Variants in DPEP1 observed in about 807,000 individuals in gnomAD.
DPEP1 encodes dipeptidase 1, also known as beta-lactamase.
Under a neutral mutation model 42.3 loss-of-function variants are expected in DPEP1, and 50 were observed. That is an observed-to-expected ratio of 1.18 (90% CI 0.94 to 1.50). The LOEUF is 1.50. Ranked by LOEUF, DPEP1 falls within the 40% of genes most tolerant of loss-of-function variation. The pLI is 0.00. For missense variants in DPEP1, 663 were observed against 553.0 expected (o/e 1.20, Z -1.99); for synonymous variants, 297 against 234.0 (o/e 1.27, Z -2.46).
rs1242988286 is a variant in DPEP1, at chr16:89,637,393, G to A, written c.768+13G>A. 6.2e-7 allele frequency: 1 copy of A among 1,612,294 alleles called. No homozygotes were observed. Among genetic ancestry groups the A allele is most frequent in the South Asian group, 1.1e-5 (1 of 91,074 alleles). On this transcript the variant is annotated intron_variant, in intron 7 of 10. Transcript: ENST00000690203. ...CCTGAGGCTGGTGGTGAGGGCCGAG[G>A]GGGCGACCTCCACCCCGCCTCCCTG...
chr16:89,638,209 T>A lies in DPEP1; in HGVS notation c.1223T>A (p.Leu408Gln), dbSNP rs1173024345. ...LASLAPLVLC[L>Q]SLL ...TCCCTCGCTCCCCTGGTCCTCTGTCTGTCTCTCCTGTGAAACCTGGGAGAC... is the reference window on the plus strand; with the variant it reads ...TCCCTCGCTCCCCTGGTCCTCTGTCAGTCTCTCCTGTGAAACCTGGGAGAC... Residue 408 changes from leucine to glutamine, a missense_variant, in exon 11 of 11, where the codon CTG becomes CAG. Physicochemically the swap from Leu to Gln is moderately radical, Grantham distance 113. Transcript: ENST00000690203. 1.3e-6 allele frequency: 2 copies of A among 1,565,898 alleles called. No homozygotes were observed. The highest frequency in any genetic ancestry group is 1.7e-6 in the Non-Finnish European group (2 of 1,155,206).
At chr16:89,621,708 AC>A (rs1354560801) in intron 1 of DPEP1, among the ~76,000 whole-genome samples, 1 of 152,078 alleles carries the variant, frequency 6.6e-6, no homozygotes, top group African/African-American at 2.4e-5. Context: ...TGTGCGGCTC[AC>A]CTGTGCATGC....
rs60712648 is a variant in DPEP1 at position 89,628,281 on chromosome 16, G to A, written c.-106-2024G>A. Reference sequence around the variant, plus strand: ...CTTTTTTTTTTTTTTTTGTGAGATAGAGATTTACTCTTGTCGCCCAGGCTG... The same window carrying A: ...CTTTTTTTTTTTTTTTTGTGAGATAAAGATTTACTCTTGTCGCCCAGGCTG... On this transcript the variant is annotated intron_variant, in intron 1 of 10. Coordinates refer to ENST00000690203, the MANE Select transcript of DPEP1 (RefSeq NM_001389466.1). Among the ~76,000 whole-genome samples the A allele has an allele frequency of 4.4e-3, 574 of 130,080 alleles. 4 individuals are homozygous for A. The highest frequency in any genetic ancestry group is 0.016 in the African/African-American group (561 of 35,300). The allele number at this position is 130,080 out of a possible 152,430, so 85.3% of individuals were successfully genotyped here. A position where few individuals can be genotyped will look rare whatever the true frequency, so the allele number is the denominator to read the frequency against.
At chr16:89,623,648 G>C (rs576662090) in intron 1 of DPEP1, among the ~76,000 whole-genome samples, 13 of 152,230 alleles carry the variant, frequency 8.5e-5, no homozygotes, top group African/African-American at 2.9e-4. Flanking sequence ...CCGGAGACCA[G>C]ACGCACAACC....
chr16:89,614,428 C>T (rs1046699231), intron 1 of DPEP1, among the ~76,000 whole-genome samples: 3 of 152,208 alleles, frequency 2.0e-5, no homozygotes, highest in Non-Finnish European at 2.9e-5. Flanking sequence ...TCTGCCTTCC[C>T]GCCCAGCTAA....
intron 9 of DPEP1, 29 bp downstream of exon 9, chr16:89,637,736 A>C: frequency 6.2e-7 from 1 of 1,612,860 alleles, no homozygotes; most frequent in Non-Finnish European, 8.5e-7. Context: ...TGTCCTGTGG[A>C]TGAGCCGGGA....
rs141290392 is a variant in DPEP1 at position 89,637,338 on chromosome 16, C to G, written c.726C>G (p.Cys242Trp). The G allele has an allele frequency of 6.2e-7, 1 of 1,612,268 alleles. No homozygotes were observed. The highest frequency in any genetic ancestry group is 1.7e-5 in the Admixed American group (1 of 60,008). The change falls in exon 7 of 11, where the codon TGC becomes TGG. Residue 242 changes from cysteine (C) to tryptophan (W), a missense_variant. Cys to Trp is a radical substitution (Grantham distance 215). Coordinates refer to ENST00000690203, the MANE Select transcript of DPEP1 (RefSeq NM_001389466.1). ...IFSHSSAYSV[C>W]ASRRNVPDDV... is the part of the protein sequence containing the mutation. ...GCCACTCCTCGGCCTACAGCGTGTGCGCAAGCCGGCGCAACGTGCCTGACG... is the reference window on the plus strand; with the variant it reads ...GCCACTCCTCGGCCTACAGCGTGTGGGCAAGCCGGCGCAACGTGCCTGACG...
At chr16:89,631,673 TGGC>T (rs2059590828) in intron 2 of DPEP1, among the ~76,000 whole-genome samples, 2 of 152,274 alleles carry the variant, frequency 1.3e-5, no homozygotes, top group African/African-American at 4.8e-5. Context: ...CTGGCCAACA[TGGC>T]GAAACCCTGT....
intron 1 of DPEP1, among the ~76,000 whole-genome samples, chr16:89,618,107 C>T (rs896550161): frequency 1.9e-4 from 29 of 151,982 alleles, no homozygotes; most frequent in Non-Finnish European, 1.2e-4. Flanking sequence ...ATGTATTTAC[C>T]ATTTATCTTC....
chr16:89,623,767 G>C (rs2059473640), intron 1 of DPEP1, among the ~76,000 whole-genome samples: 1 of 152,132 alleles, frequency 6.6e-6, no homozygotes, highest in African/African-American at 2.4e-5. Context: ...AGCTCAGACA[G>C]TGCAACCCCT....
At position 89,627,270 on chromosome 16, in the gene DPEP1, C is replaced by G. The variant is rs1372450252; in HGVS notation, c.-106-3035C>G. On this transcript the variant is annotated intron_variant, in intron 1 of 10. Coordinates refer to ENST00000690203, the MANE Select transcript of DPEP1 (RefSeq NM_001389466.1). ...CCTGGGCAATAGAGTGAGACTCCGT[C>G]TCAAAAAAAAAAAAAAAAAGTCAGA... 3.6e-5 allele frequency among the ~76,000 whole-genome samples: 3 copies of G among 83,292 alleles called. No individual in the cohort carries two copies. In the East Asian group the frequency reaches 1.1e-3, roughly 31 times the overall value. The allele number at this position is 83,292 out of a possible 152,430, so 54.6% of individuals were successfully genotyped here.
intron 1 of DPEP1, among the ~76,000 whole-genome samples, chr16:89,618,774 G>C (rs1388599229): frequency 6.6e-6 from 1 of 151,908 alleles, no homozygotes; most frequent in Non-Finnish European, 1.5e-5. Flanking sequence ...TGCACAATTC[G>C]CATTTTGTAA....
chr16:89,615,596 T>G (rs977494176), intron 1 of DPEP1, among the ~76,000 whole-genome samples: 37 of 152,222 alleles, frequency 2.4e-4, no homozygotes, highest in Admixed American at 7.2e-4. Flanking sequence ...CCTTCCCAGG[T>G]CTTCAGAGCC....
chr16:89,622,043 C>A (rs540749230), intron 1 of DPEP1, among the ~76,000 whole-genome samples: 6 of 152,140 alleles, frequency 3.9e-5, no homozygotes, highest in Admixed American at 6.5e-5. Context: ...ACCTGCGTCT[C>A]GACAGAGCCG....
Position 89,637,338 on chromosome 16 carries a change from C to A in DPEP1, c.726C>A (p.Cys242Ter). Residue 242 changes from cysteine to a stop codon, truncating the protein, a stop_gained, in exon 7 of 11, where the codon TGC becomes TGA. Coordinates refer to ENST00000690203, the MANE Select transcript of DPEP1 (RefSeq NM_001389466.1). LOFTEE classifies it high-confidence loss of function. ...IFSHSSAYSV[C>*]ASRRNVPDDV... ...GCCACTCCTCGGCCTACAGCGTGTGCGCAAGCCGGCGCAACGTGCCTGACG... is the reference window on the plus strand; with the variant it reads ...GCCACTCCTCGGCCTACAGCGTGTGAGCAAGCCGGCGCAACGTGCCTGACG... 6.2e-7 allele frequency: 1 copy of A among 1,612,268 alleles called. No individual in the cohort carries two copies. The highest frequency in any genetic ancestry group is 8.5e-7 in the Non-Finnish European group (1 of 1,179,932).
chr16:89,635,916 A>G lies in DPEP1; in HGVS notation c.113A>G (p.Asp38Gly), dbSNP rs1597771943. Residue 38 changes from aspartate to glycine, a missense_variant, in exon 3 of 11, where the codon GAC becomes GGC. Coordinates refer to ENST00000690203, the MANE Select transcript of DPEP1 (RefSeq NM_001389466.1). ...RDSPVIDGHN[D>G]LPWQLLDMFN... ...TCCCCGGCAAACTCCAGGCACAATGACCTCCCCTGGCAGCTGCTGGATATG... is the reference window on the plus strand; with the variant it reads ...TCCCCGGCAAACTCCAGGCACAATGGCCTCCCCTGGCAGCTGCTGGATATG... 6.2e-7 allele frequency: 1 copy of G among 1,601,920 alleles called. No individual in the cohort carries two copies. The highest frequency in any genetic ancestry group is 1.3e-5 in the African/African-American group (1 of 74,602).
chr16:89,640,461 C>A, downstream of DPEP1: 1 of 673,564 alleles, frequency 1.5e-6, no homozygotes, highest in Non-Finnish European at 1.8e-6. Flanking sequence ...AGTCGAGGAG[C>A]AGGGGGCTCC....
At chr16:89,631,511 G>A (rs1371078195) in intron 2 of DPEP1, among the ~76,000 whole-genome samples, 1 of 152,172 alleles carries the variant, frequency 6.6e-6, no homozygotes, top group Admixed American at 6.6e-5. Context: ...GGCTTTGTTG[G>A]GGAAAAACTG....
intron 1 of DPEP1, chr16:89,620,747 C>G (rs1018224179): frequency 6.6e-6 from 1 of 151,886 alleles, no homozygotes; most frequent in Non-Finnish European, 1.5e-5. Flanking sequence ...GTGGCTGAGC[C>G]GAGGTACTCG....
Sources: gnomAD v4.1 joint callset for allele counts (sites outside exome capture counted in the v4.1 genomes callset) on GRCh38, gnomAD v4.1.1 for gene constraint, MANE v1.5 for transcripts, NCBI Gene and HGNC (gene_info 2026-07-23, HGNC 2026-07-21) for gene names.